Variants in SYNE2 observed in about 807,000 individuals in gnomAD.
SYNE2 encodes the protein spectrin repeat containing nuclear envelope protein 2, also known as nesprin-2.
Under a neutral mutation model 856.3 loss-of-function variants are expected in SYNE2, and 431 were observed. That is an observed-to-expected ratio of 0.50 (90% CI 0.47 to 0.55). SYNE2 has a LOEUF of 0.55. Among genes scored for constraint, SYNE2 ranks in the 20% least tolerant of loss-of-function variants. The probability of loss-of-function intolerance (pLI) is 0.00; values close to 1 mark genes in which losing one functional copy is unlikely to be tolerated. For synonymous variants in SYNE2, 2,923 were observed against 2,872.3 expected, an observed-to-expected ratio of 1.02 and a Z score of -0.56; for missense variants, 8,129 against 8,023.2, an observed-to-expected ratio of 1.01 and a Z score of -0.50.
At chr14:64,047,129 A>T (rs1488382547) in intron 45 of SYNE2, among the ~76,000 whole-genome samples, 1 of 152,142 alleles carries the variant, frequency 6.6e-6, no homozygotes, top group Non-Finnish European at 1.5e-5. Context: ...TGATTGAAAG[A>T]TGGTGAAGGC....
chr14:63,789,992 A>T (rs1233994395), intron 1 of SYNE2, among the ~76,000 whole-genome samples: 9 of 152,158 alleles, frequency 5.9e-5, no homozygotes, highest in African/African-American at 2.2e-4. Context: ...TTACATTCCT[A>T]TTCCACTTCC....
At chr14:64,215,131 GA>G (rs34764844) in intron 106 of SYNE2, among the ~76,000 whole-genome samples, 154 bp from the exon 107 acceptor site, 35 of 150,614 alleles carry the variant, frequency 2.3e-4, no homozygotes, top group African/African-American at 7.3e-4. Context: ...GAGTTGGCTG[GA>G]AAAAAAAATC....
At chr14:63,807,724 G>A (rs1389743085) in intron 1 of SYNE2, among the ~76,000 whole-genome samples, 3 of 143,768 alleles carry the variant, frequency 2.1e-5, no homozygotes, top group South Asian at 2.2e-4. Context: ...GAGTGCAGTG[G>A]CAGGATCATG....
intron 11 of SYNE2, among the ~76,000 whole-genome samples, chr14:63,970,247 A>G (rs1280126408): frequency 6.6e-6 from 1 of 152,024 alleles, no homozygotes; most frequent in Non-Finnish European, 1.5e-5. Context: ...AGAGTGCACC[A>G]GCACAATCAT....
chr14:63,810,995 C>T (rs757639425), intron 1 of SYNE2, among the ~76,000 whole-genome samples: 10 of 151,954 alleles, frequency 6.6e-5, no homozygotes, highest in Admixed American at 3.3e-4. Context: ...CCACCACCTC[C>T]AGCTAATTTT....
chr14:63,841,193 G>A (rs1312485658), intron 1 of SYNE2, among the ~76,000 whole-genome samples: 3 of 152,126 alleles, frequency 2.0e-5, no homozygotes, highest in African/African-American at 4.8e-5. Context: ...TCTGGGGGGC[G>A]CCATGGGACT....
intron 10 of SYNE2, among the ~76,000 whole-genome samples, chr14:63,964,476 A>G (rs2096363733): frequency 6.6e-6 from 1 of 152,074 alleles, no homozygotes; most frequent in Non-Finnish European, 1.5e-5. Flanking sequence ...AAGTTTTCCA[A>G]TCCCTGGTTT....
intron 1 of SYNE2, among the ~76,000 whole-genome samples, chr14:63,782,441 C>A (rs1421762035): frequency 8.0e-6 from 1 of 124,790 alleles, no homozygotes; most frequent in African/African-American, 3.1e-5. Context: ...GAACACCAGC[C>A]TGCCAACAAG....
intron 45 of SYNE2, among the ~76,000 whole-genome samples, chr14:64,045,621 C>T (rs913160420): frequency 1.3e-5 from 2 of 152,146 alleles, no homozygotes; most frequent in African/African-American, 4.8e-5. Context: ...TGCTGCTGCC[C>T]TAGGTGTAGA....
At chr14:63,819,586 G>A (rs1001481558) in intron 1 of SYNE2, among the ~76,000 whole-genome samples, 5 of 149,688 alleles carry the variant, frequency 3.3e-5, no homozygotes, top group African/African-American at 1.2e-4. Context: ...GCCCAGGCTG[G>A]AGTGCAGTGG....
intron 45 of SYNE2, among the ~76,000 whole-genome samples, chr14:64,047,471 A>G (rs185523523): frequency 1.3e-5 from 2 of 152,328 alleles, no homozygotes; most frequent in East Asian, 3.9e-4. Context: ...GGTCCTAGGA[A>G]TTAACTTGTA....
intron 1 of SYNE2, among the ~76,000 whole-genome samples, chr14:63,779,421 A>C (rs1887226121): frequency 7.0e-6 from 1 of 143,616 alleles, no homozygotes; most frequent in Admixed American, 7.6e-5. Flanking sequence ...CCTTCTCACT[A>C]CTGCGCTTGA....
chr14:64,195,889 G>C (rs1212681470), intron 99 of SYNE2, among the ~76,000 whole-genome samples: 4 of 152,198 alleles, frequency 2.6e-5, no homozygotes. Flanking sequence ...CAGATGTGAG[G>C]CTCCTCACTT....
In SYNE2 at chr14:64,029,095, C is replaced by T. The variant is rs536291527; in HGVS notation, c.6715-800C>T. On this transcript the variant is annotated intron_variant, in intron 43 of 115. Coordinates refer to ENST00000555002, the MANE Select transcript of SYNE2 (RefSeq NM_182914.3). The stretch of plus-strand genomic sequence containing the variant: ...AGGTTGCAGTGAGCCGAGATTGCAC[C>T]GCCGCACTCCAGCCTGGCAACAGAG... 3.3e-5 allele frequency among the ~76,000 whole-genome samples: 5 copies of T among 152,134 alleles called. No individual in the cohort carries two copies. The South Asian group carries it at 6.2e-4, about 19-fold the overall frequency.
At chr14:64,002,414 C>T (rs1251977772) in intron 29 of SYNE2, among the ~76,000 whole-genome samples, 1 of 152,146 alleles carries the variant, frequency 6.6e-6, no homozygotes, top group African/African-American at 2.4e-5. Flanking sequence ...TTCTAAATCC[C>T]ATCTTAACTA....
chr14:64,111,402 C>T (rs1212703144), intron 65 of SYNE2, among the ~76,000 whole-genome samples: 1 of 152,086 alleles, frequency 6.6e-6, no homozygotes, highest in Non-Finnish European at 1.5e-5. Flanking sequence ...TATCTGAAAA[C>T]TAGATATAGC....
At chr14:64,084,754 T>A (rs1285411577) in intron 57 of SYNE2, 4 of 508,586 alleles carry the variant, frequency 7.9e-6, no homozygotes, top group African/African-American at 7.6e-5. Flanking sequence ...ACAACAAACT[T>A]ATTATCACAG....
intron 47 of SYNE2, 115 bp from the exon 48 acceptor site, chr14:64,051,442 C>T: frequency 1.0e-6 from 1 of 1,004,654 alleles, no homozygotes; most frequent in Non-Finnish European, 1.4e-6. Flanking sequence ...TACAGACAGC[C>T]TAATTTTTTC....
chr14:64,138,071 A>T (rs1427234583), intron 79 of SYNE2, 88 bp downstream of exon 79: 2 of 1,453,742 alleles, frequency 1.4e-6, no homozygotes, highest in Non-Finnish European at 1.9e-6. Context: ...TTTACCTGCA[A>T]CCCACCTTAT....
Sources: gnomAD v4.1 joint callset for allele counts (sites outside exome capture counted in the v4.1 genomes callset) on GRCh38, gnomAD v4.1.1 for gene constraint, MANE v1.5 for transcripts, NCBI Gene and HGNC (gene_info 2026-07-23, HGNC 2026-07-21) for gene names.